Variants in SHISA9 observed in about 807,000 individuals in gnomAD.
SHISA9 encodes the protein protein shisa-9.
Under a neutral mutation model 38.0 loss-of-function variants are expected in SHISA9, and 13 were observed. That is an observed-to-expected ratio of 0.34 (90% CI 0.22 to 0.54). SHISA9 has a LOEUF of 0.54. SHISA9 is among the 20% of genes least tolerant of loss of function. SHISA9 has a pLI of 0.91. For missense variants in SHISA9, 538 were observed against 575.8 expected, an observed-to-expected ratio of 0.93 and a Z score of 0.67; for synonymous variants, 275 against 242.0, an observed-to-expected ratio of 1.14 and a Z score of -1.27.
At chr16:12,969,006 A>C (rs1230366461) in intron 2 of SHISA9, among the ~76,000 whole-genome samples, 1 of 151,752 alleles carries the variant, frequency 6.6e-6, no homozygotes, top group African/African-American at 2.4e-5. Flanking sequence ...AATACAAAAC[A>C]ATTAGCTGAA....
the SHISA9 span, among the ~76,000 whole-genome samples, chr16:13,357,271 C>T: frequency 6.6e-6 from 1 of 152,094 alleles, no homozygotes; most frequent in East Asian, 1.9e-4. Flanking sequence ...GTTTTGGGTT[C>T]ACGGATAAAA....
intron 2 of SHISA9, among the ~76,000 whole-genome samples, chr16:12,922,603 C>G (rs141055018): frequency 1.3e-5 from 2 of 152,268 alleles, no homozygotes; most frequent in African/African-American, 4.8e-5. Flanking sequence ...CATTGCGACC[C>G]CTGCCTCCCA....
intron 2 of SHISA9, among the ~76,000 whole-genome samples, chr16:13,141,104 C>T (rs1418651885): frequency 6.6e-6 from 1 of 151,888 alleles, no homozygotes; most frequent in Non-Finnish European, 1.5e-5. Context: ...ATTTAGAGGA[C>T]AAAGAAAAAT....
intron 2 of SHISA9, among the ~76,000 whole-genome samples, chr16:13,134,523 A>C (rs557557175): frequency 3.9e-5 from 6 of 152,140 alleles, no homozygotes; most frequent in Non-Finnish European, 8.8e-5. Flanking sequence ...TATTTGAGTT[A>C]AATCTTAAAG....
At chr16:13,442,885 C>G in the SHISA9 span, among the ~76,000 whole-genome samples, 1 of 152,164 alleles carries the variant, frequency 6.6e-6, no homozygotes, top group African/African-American at 2.4e-5. Context: ...CCAGTGAGTC[C>G]ATACCTATTT....
the SHISA9 span, among the ~76,000 whole-genome samples, chr16:13,480,955 A>G: frequency 6.6e-6 from 1 of 152,224 alleles, no homozygotes; most frequent in Admixed American, 6.5e-5. Context: ...ATTTGTTAGA[A>G]AAGAATGTGC....
At chr16:13,172,113 C>A (rs1567234703) in intron 2 of SHISA9, among the ~76,000 whole-genome samples, 1 of 152,028 alleles carries the variant, frequency 6.6e-6, no homozygotes, top group Non-Finnish European at 1.5e-5. Context: ...AATGAGCTAA[C>A]TGAATATATC....
Position 12,902,099 on chromosome 16 carries a change from T to A in SHISA9, c.35T>A (p.Phe12Tyr), listed in dbSNP as rs1345191401. 6.7e-7 allele frequency: 1 copy of A among 1,496,614 alleles called. No homozygotes were observed. The highest frequency in any genetic ancestry group is 2.2e-5 in the Admixed American group (1 of 45,214). The allele number at this position is 1,496,614 out of a possible 1,614,324, so 92.7% of individuals were successfully genotyped here. The change falls in exon 1 of 5, where the codon TTC (phenylalanine) becomes TAC (tyrosine). Residue 12 changes from phenylalanine to tyrosine, a missense_variant. This residue lies in a region of SHISA9 where 107 missense variants were observed against 103.0 expected (regional missense o/e 1.04). Transcript: ENST00000558583. The stretch of plus-strand genomic sequence containing the variant: ...GTCCTTCGGCTGCTCCTCGGTTGCT[T>A]CCTCACCGAGCTGTGCGCCCGCGTG... ...RRVLRLLLGC[F>Y]LTELCARVCR...
chr16:13,297,072 A>G, the SHISA9 span, among the ~76,000 whole-genome samples: 1 of 152,114 alleles, frequency 6.6e-6, no homozygotes, highest in Admixed American at 6.6e-5. Flanking sequence ...AGCAAATATT[A>G]ATATCCAGAT....
At chr16:13,229,669 C>T (rs1163674154) in intron 4 of SHISA9, among the ~76,000 whole-genome samples, 1 of 152,186 alleles carries the variant, frequency 6.6e-6, no homozygotes, top group Non-Finnish European at 1.5e-5. Flanking sequence ...GACTGAGAAC[C>T]ACTGAGCCAC....
intron 2 of SHISA9, among the ~76,000 whole-genome samples, chr16:13,054,223 C>G (rs1364511186): frequency 6.6e-6 from 1 of 152,158 alleles, no homozygotes; most frequent in African/African-American, 2.4e-5. Flanking sequence ...CTCCACCTAA[C>G]GAGCCTCAGT....
At chr16:13,068,871 G>GTATGTGCA (rs966942063) in intron 2 of SHISA9, among the ~76,000 whole-genome samples, 2 of 137,044 alleles carry the variant, frequency 1.5e-5, no homozygotes, top group African/African-American at 7.3e-5. Context: ...TGCAATGTGT[G>GTATGTGCA]TATGTGTATT....
chr16:12,908,360 A>G (rs1445452616), intron 1 of SHISA9: 1 of 1,469,826 alleles, frequency 6.8e-7, no homozygotes, highest in African/African-American at 1.4e-5. Context: ...TGACTACGTT[A>G]AATACATTGC....
At chr16:13,216,599 T>G (rs1289073793) in intron 4 of SHISA9, among the ~76,000 whole-genome samples, 1 of 152,124 alleles carries the variant, frequency 6.6e-6, no homozygotes, top group African/African-American at 2.4e-5. Context: ...CATCTTAACA[T>G]TCAGTGGCAT....
chr16:13,055,409 G>A (rs1052774057), intron 2 of SHISA9, among the ~76,000 whole-genome samples: 2 of 152,184 alleles, frequency 1.3e-5, no homozygotes, highest in East Asian at 1.9e-4. Context: ...TCTGGTTCTA[G>A]TGCAGGAACT....
At chr16:13,389,479 ATAT>A in the SHISA9 span, among the ~76,000 whole-genome samples, 225 of 152,238 alleles carry the variant, frequency 1.5e-3, 2 homozygotes, top group Non-Finnish European at 1.2e-3. Context: ...GTGTATCAAA[ATAT>A]TATGCTGTAC....
Position 13,206,369 on chromosome 16 carries a change from G to A in SHISA9, c.847+2820G>A, listed in dbSNP as rs189347929. ...CCAAGCCCCTCATTGGAGATGGGAT[G>A]AGAGATACTTGCTGATCGATTTCAG... On this transcript the variant is annotated intron_variant, in intron 3 of 4. Transcript: ENST00000558583. Among the ~76,000 whole-genome samples the A allele has an allele frequency of 1.3e-3, 191 of 152,314 alleles. 1 individual carries two copies. Among genetic ancestry groups the A allele is most frequent in the African/African-American group, 4.5e-3 (185 of 41,564 alleles).
At chr16:13,138,069 G>T (rs1408585016) in intron 2 of SHISA9, among the ~76,000 whole-genome samples, 3 of 152,264 alleles carry the variant, frequency 2.0e-5, no homozygotes, top group East Asian at 3.9e-4. Flanking sequence ...TAAAGCCTGA[G>T]AATTTGCATT....
In SHISA9 at chr16:12,907,563, G is replaced by A. The variant is rs915617741; in HGVS notation, c.563+4936G>A. 7.2e-5 allele frequency among the ~76,000 whole-genome samples: 11 copies of A among 152,234 alleles called. No individual in the cohort carries two copies. In the South Asian group the frequency reaches 1.7e-3, roughly 23 times the overall value. ...ACCCAGGAAAAAGAGCAAAAATCCCGTAATATCATCAGACATCCAGTCATT... is the reference window on the plus strand; with the variant it reads ...ACCCAGGAAAAAGAGCAAAAATCCCATAATATCATCAGACATCCAGTCATT... On this transcript the variant is annotated intron_variant, in intron 1 of 4. Transcript: ENST00000558583.
Sources: gnomAD v4.1 joint callset for allele counts (sites outside exome capture counted in the v4.1 genomes callset) on GRCh38, gnomAD v4.1.1 for gene constraint, gnomAD v4.1.1 regional missense constraint, MANE v1.5 for transcripts, NCBI Gene and HGNC (gene_info 2026-07-23, HGNC 2026-07-21) for gene names.